THADA: variants seen among roughly 807,000 people sequenced by gnomAD.
THADA encodes tRNA (32-2'-O)-methyltransferase regulator THADA.
Under a neutral mutation model 219.8 loss-of-function variants are expected in THADA, and 213 were observed. The ratio of observed to expected loss-of-function variants is 0.97; its 90% CI spans 0.87 to 1.09. THADA has a LOEUF of 1.09. Among genes scored for constraint, THADA ranks in the 50% least tolerant of loss-of-function variants. The pLI is 0.00. For missense variants in THADA, 2,956 were observed against 2,311.3 expected (o/e 1.28, Z -5.72); for synonymous variants, 1,018 against 828.9 (o/e 1.23, Z -3.92).
intron 34 of THADA, among the ~76,000 whole-genome samples, chr2:43,290,432 T>C (rs1674560395): frequency 6.6e-6 from 1 of 152,112 alleles, no homozygotes; most frequent in South Asian, 2.1e-4. Context: ...CTAAGGAAAT[T>C]GGACCTGCTT....
At chr2:43,302,950 T>TA (rs1001343033) in intron 31 of THADA, among the ~76,000 whole-genome samples, 19 of 150,536 alleles carry the variant, frequency 1.3e-4, no homozygotes, top group East Asian at 7.8e-4. Context: ...ACTAAGAAAC[T>TA]AAAAAAAACT....
At chr2:43,490,708 T>A (rs1331123646) in intron 25 of THADA, among the ~76,000 whole-genome samples, 4 of 152,158 alleles carry the variant, frequency 2.6e-5, no homozygotes, top group Non-Finnish European at 5.9e-5. Context: ...CACATTCACT[T>A]AACTTTTATT....
At chr2:43,266,959 T>C (rs114192113) in intron 36 of THADA, among the ~76,000 whole-genome samples, 677 of 152,286 alleles carry the variant, frequency 4.4e-3, no homozygotes, top group Non-Finnish European at 7.3e-3. Context: ...TTGCTCCTTT[T>C]TTTTGGTCTC....
intron 31 of THADA, among the ~76,000 whole-genome samples, chr2:43,297,630 C>T (rs1281294654): frequency 2.9e-5 from 3 of 103,380 alleles, no homozygotes; most frequent in African/African-American, 1.6e-4. Context: ...CCAGCCCCCC[C>T]GTCCGGGAGG....
In THADA at chr2:43,541,313, T is replaced by C. The variant is rs1695275742; in HGVS notation, c.3110A>G (p.Lys1037Arg). 6.2e-7 allele frequency: 1 copy of C among 1,606,930 alleles called. No homozygotes were observed. Among genetic ancestry groups the C allele is most frequent in the South Asian group, 1.1e-5 (1 of 90,894 alleles). Residue 1037 changes from lysine (K) to arginine (R), a missense_variant, in exon 21 of 38, where the codon AAA (lysine) becomes AGA (arginine). Transcript: ENST00000405975. ...AGTTACATCACATGTTTTTACTTCT[T>C]TACCTTAAACAAAAAAAAACACAAC... Reference protein sequence around the residue: ...NIDTSTEIKGKEVKTCDVTAQ... With the variant: ...NIDTSTEIKGREVKTCDVTAQ...
chr2:43,372,273 G>A (rs1035038126), intron 29 of THADA: 3 of 152,198 alleles, frequency 2.0e-5, no homozygotes, highest in Non-Finnish European at 4.4e-5. Flanking sequence ...AATATGATGA[G>A]TAATGTGAAC....
chr2:43,293,292 A>T, intron 31 of THADA, 79 bp from the exon 32 acceptor site: 1 of 1,481,134 alleles, frequency 6.8e-7, no homozygotes, highest in Non-Finnish European at 9.0e-7. Context: ...ATGAAGACTG[A>T]ATCCACTGCG....
At position 43,586,689 on chromosome 2, in the gene THADA, T is replaced by C. The variant is rs779650444; in HGVS notation, c.484+13A>G. The C allele has an allele frequency of 1.4e-5, 23 of 1,608,298 alleles. No homozygotes were observed. The highest frequency in any genetic ancestry group is 1.9e-4 in the Middle Eastern group (1 of 5,344). On this transcript the variant is annotated intron_variant, in intron 6 of 37. Transcript: ENST00000405975. ...CATCAACTCATGGAACAAAATAAAA[T>C]AATAGGACTTACCATTTTTAAGCAG...
intron 15 of THADA, chr2:43,564,870 C>A (rs1290989595): frequency 6.6e-6 from 1 of 152,058 alleles, no homozygotes; most frequent in African/African-American, 2.4e-5. Context: ...ATGTTAATAT[C>A]ATAAAATTAG....
chr2:43,281,430 T>C (rs1047928393), intron 35 of THADA, among the ~76,000 whole-genome samples: 3 of 147,484 alleles, frequency 2.0e-5, no homozygotes, highest in African/African-American at 7.5e-5. Flanking sequence ...TTGACTTTTC[T>C]CATGTACTTC....
intron 26 of THADA, among the ~76,000 whole-genome samples, chr2:43,452,800 C>A (rs532363338): frequency 7.2e-5 from 11 of 152,286 alleles, no homozygotes; most frequent in African/African-American, 9.6e-5. Flanking sequence ...TGTTACAAAG[C>A]ATTTTTGGAG....
intron 26 of THADA, among the ~76,000 whole-genome samples, chr2:43,448,440 A>G (rs2104885667): frequency 6.6e-6 from 1 of 152,214 alleles, no homozygotes; most frequent in African/African-American, 2.4e-5. Context: ...CTGATCTTGG[A>G]GATACAAACA....
chr2:43,272,245 T>C (rs1422842007), intron 36 of THADA, among the ~76,000 whole-genome samples: 1 of 152,072 alleles, frequency 6.6e-6, no homozygotes, highest in Non-Finnish European at 1.5e-5. Flanking sequence ...TGGGTAGGAT[T>C]TTATATGTTG....
intron 28 of THADA, among the ~76,000 whole-genome samples, chr2:43,424,801 C>T (rs545646594): frequency 6.6e-5 from 10 of 152,220 alleles, no homozygotes; most frequent in Non-Finnish European, 1.5e-4. Flanking sequence ...AAGAGCCAGG[C>T]TTCTACTGTA....
chr2:43,567,236 T>C (rs1303233563), intron 14 of THADA, among the ~76,000 whole-genome samples: 1 of 152,150 alleles, frequency 6.6e-6, no homozygotes, highest in Non-Finnish European at 1.5e-5. Flanking sequence ...AAGAGTTTAT[T>C]AGGTTATTAA....
intron 29 of THADA, among the ~76,000 whole-genome samples, chr2:43,371,277 C>T (rs1670770679): frequency 6.6e-6 from 1 of 152,138 alleles, no homozygotes. Context: ...GACCACCACT[C>T]CTAATGCAAA....
At chr2:43,341,391 G>A (rs1667045341) in intron 30 of THADA, among the ~76,000 whole-genome samples, 1 of 152,182 alleles carries the variant, frequency 6.6e-6, no homozygotes, top group Non-Finnish European at 1.5e-5. Flanking sequence ...AGCCCAATTA[G>A]AAAACAGCAA....
chr2:43,570,350 TAA>T, intron 14 of THADA, 36 bp downstream of exon 14: 1 of 1,525,394 alleles, frequency 6.6e-7, no homozygotes, highest in South Asian at 1.2e-5. Context: ...CTTTTTAATT[TAA>T]AAAAAAACTC....
At chr2:43,266,891 C>T (rs1671588374) in intron 36 of THADA, among the ~76,000 whole-genome samples, 1 of 152,180 alleles carries the variant, frequency 6.6e-6, no homozygotes, top group Non-Finnish European at 1.5e-5. Context: ...ACTTGAGCCT[C>T]CCCTCTCCAC....
Sources: gnomAD v4.1 joint callset for allele counts (sites outside exome capture counted in the v4.1 genomes callset) on GRCh38, gnomAD v4.1.1 for gene constraint, MANE v1.5 for transcripts, NCBI Gene and HGNC (gene_info 2026-07-23, HGNC 2026-07-21) for gene names.